The following OGDH variants were observed in gnomAD, a reference collection of about 807,000 sequenced individuals.
The protein encoded by OGDH is oxoglutarate dehydrogenase.
A neutral mutation model predicts 116.6 loss-of-function variants in OGDH; 38 were observed. That is an observed-to-expected ratio of 0.33 (90% CI 0.25 to 0.43). The LOEUF is 0.43. Among genes scored for constraint, OGDH ranks in the 20% least tolerant of loss-of-function variants. The pLI, the probability that OGDH is intolerant of heterozygous loss-of-function variation, is 1.00. For synonymous variants in OGDH, 488 were observed against 533.3 expected (o/e 0.92, Z 1.17); for missense variants, 825 against 1,357.2 (o/e 0.61, Z 6.16).
intron 9 of OGDH, 199 bp downstream of exon 9, chr7:44,676,348 G>A: frequency 8.2e-7 from 1 of 1,223,092 alleles, no homozygotes; most frequent in Non-Finnish European, 1.1e-6. Flanking sequence ...CTGAGTTCGG[G>A]AGTTGGAGAC....
Position 44,645,325 on chromosome 7 carries a change from A to C in OGDH, c.223-2A>C. ...GTAACCCTGTACCTTCTTTGTCTTT[A>C]GTCATGGGACATTTTTTTTCGCAAC... On this transcript the variant is annotated splice_acceptor_variant, in intron 2 of 22. Transcript: ENST00000222673. LOFTEE classifies it high-confidence loss of function. 2.5e-6 allele frequency: 4 copies of C among 1,613,668 alleles called. No homozygotes were observed. Among genetic ancestry groups the C allele is most frequent in the Non-Finnish European group, 2.5e-6 (3 of 1,179,736 alleles).
intron 4 of OGDH, among the ~76,000 whole-genome samples, chr7:44,653,130 G>C (rs916953379): frequency 2.0e-5 from 3 of 151,976 alleles, no homozygotes; most frequent in Non-Finnish European, 4.4e-5. Context: ...GTCTTACTCT[G>C]TCGCCCAGGC....
rs1039099793 is a variant in OGDH, at chr7:44,693,868, A to G, written c.1379A>G (p.Tyr460Cys). Residue 460 changes from tyrosine (Y) to cysteine (C), a missense_variant, in exon 11 of 23, where the codon TAC becomes TGC. By Grantham distance (194) the Tyr-to-Cys change is radical. Coordinates refer to ENST00000222673, the MANE Select transcript of OGDH (RefSeq NM_002541.4). ...TDPRMARSSP[Y>C]PTDVARVVNA... The stretch of plus-strand genomic sequence containing the variant: ...CCTCGGATGGCCCGCTCCTCCCCCT[A>G]CCCCACTGACGTGGCCCGAGTGGTG... The G allele has an allele frequency of 1.2e-6, 2 of 1,609,778 alleles. No homozygotes were observed. The highest frequency in any genetic ancestry group is 1.3e-5 in the African/African-American group (1 of 74,680).
At chr7:44,675,632 C>T (rs1356686785) in intron 8 of OGDH, among the ~76,000 whole-genome samples, 2 of 152,164 alleles carry the variant, frequency 1.3e-5, no homozygotes, top group Non-Finnish European at 2.9e-5. Flanking sequence ...AACCCCAACA[C>T]TTTGGGAGGC....
intron 5 of OGDH, among the ~76,000 whole-genome samples, chr7:44,670,928 A>G (rs558765231): frequency 9.3e-5 from 14 of 150,126 alleles, no homozygotes; most frequent in African/African-American, 2.2e-4. Flanking sequence ...GGAGAATGGC[A>G]TGAACCCGGG....
chr7:44,656,207 CTGT>C, intron 4 of OGDH: 3 of 1,016,948 alleles, frequency 3.0e-6, no homozygotes, highest in Non-Finnish European at 4.4e-6. Context: ...TCTGTGCTAC[CTGT>C]TACTGTGGTA....
Position 44,700,175 on chromosome 7 carries a change from T to C in OGDH, c.2465T>C (p.Leu822Pro), listed in dbSNP as rs140730268. The change falls in exon 19 of 23, where the codon CTA becomes CCA. Residue 822 changes from leucine to proline, a missense_variant. Around this residue, in one of 7 missense-constraint regions of OGDH, gnomAD observed 212 missense variants for 284.3 expected, o/e 0.75. Transcript: ENST00000222673. ...LKEANFDINQ[L>P]YDCNWVVVNC... ...GAAGCCAACTTCGACATCAATCAGCTATATGACTGCAATTGGGTTGTTGTC... is the reference window on the plus strand; with the variant it reads ...GAAGCCAACTTCGACATCAATCAGCCATATGACTGCAATTGGGTTGTTGTC... 3.7e-6 allele frequency: 6 copies of C among 1,614,204 alleles called. No homozygotes were observed. Among genetic ancestry groups the C allele is most frequent in the Non-Finnish European group, 5.1e-6 (6 of 1,180,022 alleles).
At chr7:44,705,001 G>A (rs554577375) in intron 20 of OGDH, among the ~76,000 whole-genome samples, 86 of 149,988 alleles carry the variant, frequency 5.7e-4, no homozygotes, top group African/African-American at 1.9e-3. Flanking sequence ...GTGAGGCACT[G>A]CACCTGGCCT....
chr7:44,628,475 T>C lies in OGDH; in HGVS notation c.222+3910T>C, dbSNP rs1052131199. ...TTTTTAATTAAAAACTTTTTTTTAA[T>C]GTAAGTAGGAGCCATGCCTGTAATC... On this transcript the variant is annotated intron_variant, in intron 2 of 22. Transcript: ENST00000222673. Among the ~76,000 whole-genome samples the C allele has an allele frequency of 2.6e-5, 4 of 151,244 alleles. 1 individual carries two copies. Among genetic ancestry groups the C allele is most frequent in the African/African-American group, 9.7e-5 (4 of 41,248 alleles).
intron 10 of OGDH, among the ~76,000 whole-genome samples, chr7:44,688,875 G>A (rs931624807): frequency 5.9e-5 from 9 of 151,656 alleles, no homozygotes; most frequent in African/African-American, 1.9e-4. Flanking sequence ...TGAACCTCCC[G>A]AGTAGCTGGG....
intron 10 of OGDH, among the ~76,000 whole-genome samples, chr7:44,685,890 C>T (rs1788105958): frequency 6.6e-6 from 1 of 152,180 alleles, no homozygotes; most frequent in South Asian, 2.1e-4. Flanking sequence ...TCTCAAAGTG[C>T]TGGGATTACA....
At chr7:44,612,865 TTTTTC>T (rs367833555) in intron 1 of OGDH, among the ~76,000 whole-genome samples, 3,136 of 147,422 alleles carry the variant, frequency 0.021, 122 homozygotes, top group African/African-American at 0.072. Context: ...CTGGCTGTTT[TTTTTC>T]TTTTCTTTTC....
At chr7:44,638,079 C>A (rs116046892) in intron 2 of OGDH, among the ~76,000 whole-genome samples, 1 of 152,154 alleles carries the variant, frequency 6.6e-6, no homozygotes, top group Non-Finnish European at 1.5e-5. Flanking sequence ...TTAACCTTTT[C>A]CCCCTTATCA....
rs774170461 is a variant in OGDH, at chr7:44,697,515, CA to C, written c.2179+19del. ...CGTGCTGGGTGAGTGCCTGGAGCCA[CA>C]CCACCAGGGCCTGTCACCCACCCAC... On this transcript the variant is annotated intron_variant, in intron 16 of 22. Transcript: ENST00000222673. The surrounding 1 kb of genome is among the most constrained non-coding windows in gnomAD (Gnocchi z 6.0). The C allele has an allele frequency of 8.1e-6, 13 of 1,613,744 alleles. No individual in the cohort carries two copies. The South Asian group carries it at 1.4e-4, about 18-fold the overall frequency.
chr7:44,610,449 G>A (rs963697672), intron 1 of OGDH, among the ~76,000 whole-genome samples: 1 of 151,860 alleles, frequency 6.6e-6, no homozygotes, highest in Non-Finnish European at 1.5e-5. Context: ...GATTACAGGC[G>A]CTTGCCACCA....
intron 2 of OGDH, among the ~76,000 whole-genome samples, chr7:44,641,449 C>G (rs1377799450): frequency 6.6e-6 from 1 of 151,788 alleles, no homozygotes; most frequent in East Asian, 1.9e-4. Flanking sequence ...TGGTCTCGAA[C>G]TCCTGATCTC....
intron 2 of OGDH, among the ~76,000 whole-genome samples, chr7:44,630,078 A>C (rs1365122982): frequency 6.6e-6 from 1 of 152,166 alleles, no homozygotes; most frequent in Non-Finnish European, 1.5e-5. Context: ...CTTATGAAAC[A>C]CAGTACTGGT....
intron 20 of OGDH, 36 bp downstream of exon 20, chr7:44,701,651 A>G: frequency 6.3e-7 from 1 of 1,587,736 alleles, no homozygotes; most frequent in Non-Finnish European, 8.6e-7. Context: ...CCTTGGGGGA[A>G]GCTATGTTTG....
At chr7:44,691,327 C>T (rs972735470) in intron 10 of OGDH, among the ~76,000 whole-genome samples, 38 of 151,994 alleles carry the variant, frequency 2.5e-4, no homozygotes, top group Non-Finnish European at 5.4e-4. Context: ...AGTTCAAGAC[C>T]AGCCTGGGCA....
Sources: gnomAD v4.1 joint callset for allele counts (sites outside exome capture counted in the v4.1 genomes callset) on GRCh38, gnomAD v4.1.1 for gene constraint, gnomAD v4.1.1 regional missense constraint, Gnocchi (gnomAD v3.1) non-coding constraint, MANE v1.5 for transcripts, NCBI Gene and HGNC (gene_info 2026-07-23, HGNC 2026-07-21) for gene names.